The following PTPRK variants were observed in gnomAD, a reference collection of about 807,000 sequenced individuals.
The protein encoded by PTPRK is protein tyrosine phosphatase receptor type K, also known as receptor-type tyrosine-protein phosphatase kappa.
A neutral mutation model predicts 178.0 loss-of-function variants in PTPRK; 75 were observed. The ratio of observed to expected loss-of-function variants is 0.42; its 90% CI spans 0.35 to 0.51. The LOEUF is 0.51. Among genes scored for constraint, PTPRK ranks in the 20% least tolerant of loss-of-function variants. PTPRK has a pLI of 0.02. For synonymous variants in PTPRK, 637 were observed against 620.6 expected (o/e 1.03, Z -0.39); for missense variants, 1,441 against 1,797.8 (o/e 0.80, Z 3.59).
At chr6:127,991,067 T>A (rs1374499960) in intron 20 of PTPRK, among the ~76,000 whole-genome samples, 182 bp from the exon 21 acceptor site, 1 of 152,014 alleles carries the variant, frequency 6.6e-6, no homozygotes, top group Non-Finnish European at 1.5e-5. Flanking sequence ...TATACAAGCC[T>A]GATAATGCAG....
intron 1 of PTPRK, among the ~76,000 whole-genome samples, chr6:128,410,810 A>T (rs1255064603): frequency 6.6e-6 from 1 of 152,216 alleles, no homozygotes; most frequent in African/African-American, 2.4e-5. Context: ...AGTGAGGGTG[A>T]GAGCTGACTT....
intron 1 of PTPRK, among the ~76,000 whole-genome samples, chr6:128,413,575 G>A (rs563412370): frequency 1.1e-3 from 168 of 152,168 alleles, no homozygotes; most frequent in Admixed American, 3.7e-3. Context: ...GTATTCCTCC[G>A]TGGTGTCTTT....
At chr6:128,492,504 C>A (rs1218075793) in intron 1 of PTPRK, among the ~76,000 whole-genome samples, 1 of 152,090 alleles carries the variant, frequency 6.6e-6, no homozygotes, top group East Asian at 1.9e-4. Context: ...CTATATCAGA[C>A]AGACCTGAGC....
At chr6:128,365,743 T>C (rs373729189) in intron 2 of PTPRK, among the ~76,000 whole-genome samples, 11 of 151,998 alleles carry the variant, frequency 7.2e-5, no homozygotes, top group Non-Finnish European at 1.5e-4. Context: ...GGCTGGAGAG[T>C]TGAATGGCTT....
intron 13 of PTPRK, among the ~76,000 whole-genome samples, chr6:128,047,661 A>G (rs940459038): frequency 6.6e-6 from 1 of 152,222 alleles, no homozygotes; most frequent in Non-Finnish European, 1.5e-5. Context: ...ATTAGGTTAC[A>G]TGAACTTTAA....
chr6:128,481,134 G>GAA (rs77597336), intron 1 of PTPRK, among the ~76,000 whole-genome samples: 20 of 141,416 alleles, frequency 1.4e-4, no homozygotes, highest in South Asian at 6.7e-4. Flanking sequence ...AGAGAGAGAG[G>GAA]AAAAAAAAAA....
intron 17 of PTPRK, 42 bp from the exon 18 acceptor site, chr6:127,995,580 C>T (rs1777060748): frequency 2.3e-6 from 3 of 1,277,218 alleles, no homozygotes; most frequent in Non-Finnish European, 3.3e-6. Context: ...TAAATTTTCC[C>T]CCTGTTCTGA....
chr6:128,227,734 G>A (rs865994122), intron 5 of PTPRK, among the ~76,000 whole-genome samples: 18 of 151,838 alleles, frequency 1.2e-4, no homozygotes, highest in South Asian at 8.3e-4. Flanking sequence ...GATCAAAACC[G>A]CAACATAATA....
chr6:128,378,540 A>T (rs1010629956), intron 2 of PTPRK, among the ~76,000 whole-genome samples: 1 of 152,102 alleles, frequency 6.6e-6, no homozygotes, highest in African/African-American at 2.4e-5. Context: ...ACATGTACAA[A>T]TGTTAAAATA....
intron 1 of PTPRK, among the ~76,000 whole-genome samples, chr6:128,503,099 G>A (rs1403895470): frequency 6.6e-6 from 1 of 152,156 alleles, no homozygotes; most frequent in African/African-American, 2.4e-5. Context: ...TATGGCATAT[G>A]CCTGTAATCT....
intron 10 of PTPRK, 60 bp from the exon 11 acceptor site, chr6:128,078,978 T>C (rs1784328910): frequency 8.8e-7 from 1 of 1,130,028 alleles, no homozygotes; most frequent in Admixed American, 1.8e-5. Flanking sequence ...ATATCACAGG[T>C]CAGAATGAAC....
intron 5 of PTPRK, among the ~76,000 whole-genome samples, chr6:128,230,373 A>G (rs770338755): frequency 1.3e-5 from 2 of 152,186 alleles, no homozygotes; most frequent in African/African-American, 2.4e-5. Flanking sequence ...CTAGGGATGC[A>G]TATATAACTG....
chr6:128,095,784 T>C (rs1451596512), intron 7 of PTPRK, among the ~76,000 whole-genome samples: 1 of 152,242 alleles, frequency 6.6e-6, no homozygotes, highest in Non-Finnish European at 1.5e-5. Context: ...TTCTACTCTT[T>C]AGCTGATGAA....
intron 3 of PTPRK, among the ~76,000 whole-genome samples, chr6:128,297,488 C>T (rs1824685427): frequency 6.6e-6 from 1 of 152,178 alleles, no homozygotes; most frequent in Non-Finnish European, 1.5e-5. Flanking sequence ...AAGCTCTCCT[C>T]AGCAAATGTA....
intron 1 of PTPRK, among the ~76,000 whole-genome samples, chr6:128,496,316 G>T (rs1854649408): frequency 6.6e-6 from 1 of 152,154 alleles, no homozygotes; most frequent in Non-Finnish European, 1.5e-5. Flanking sequence ...GAGCAGGGAT[G>T]GGGGCTAGTC....
At chr6:128,365,495 C>T (rs1046826208) in intron 2 of PTPRK, among the ~76,000 whole-genome samples, 1 of 151,992 alleles carries the variant, frequency 6.6e-6, no homozygotes, top group Non-Finnish European at 1.5e-5. Context: ...TATAAAATGC[C>T]TTCTGAAGTC....
intron 2 of PTPRK, among the ~76,000 whole-genome samples, chr6:128,388,236 A>G (rs1839046255): frequency 6.6e-6 from 1 of 152,178 alleles, no homozygotes; most frequent in East Asian, 1.9e-4. Context: ...GGAGGAGACA[A>G]CTAAGAACCT....
At chr6:128,468,373 GT>G (rs1422933445) in intron 1 of PTPRK, among the ~76,000 whole-genome samples, 1 of 152,020 alleles carries the variant, frequency 6.6e-6, no homozygotes, top group African/African-American at 2.4e-5. Flanking sequence ...TGAATTTCAA[GT>G]TTTTAGTTAA....
At chr6:128,258,841 A>G (rs1365446525) in intron 3 of PTPRK, among the ~76,000 whole-genome samples, 1 of 152,216 alleles carries the variant, frequency 6.6e-6, no homozygotes, top group South Asian at 2.1e-4. Flanking sequence ...GATACGAATG[A>G]TCTTGGAGCA....
Sources: allele counts gnomAD v4.1 joint callset (sites outside exome capture counted in the v4.1 genomes callset), GRCh38; gene constraint gnomAD v4.1.1; transcripts MANE v1.5; gene names NCBI Gene and HGNC (gene_info 2026-07-23, HGNC 2026-07-21).